Variants in REG4 observed in about 807,000 individuals in gnomAD.
REG4 encodes regenerating islet-derived protein 4.
REG4 carries 16 observed loss-of-function variants against 22.3 expected under a neutral mutation model. That is an observed-to-expected ratio of 0.72 (90% confidence interval 0.49 to 1.09). REG4 has a LOEUF of 1.09. REG4 is among the 50% of genes least tolerant of loss of function. The pLI is 0.00. For synonymous variants in REG4, 71 were observed against 69.2 expected, an observed-to-expected ratio of 1.03 and a Z score of -0.13; for missense variants, 214 against 193.9, an observed-to-expected ratio of 1.10 and a Z score of -0.61.
chr1:119,794,472 TA>T lies in REG4; in HGVS notation c.*145del. On this transcript the variant is annotated 3_prime_UTR_variant, in exon 6 of 6. Coordinates refer to ENST00000256585, the MANE Select transcript of REG4 (RefSeq NM_032044.4). ...GGGCCAATGCTAAAGTTTCTGTCTCTAAGCCTAAAAAAGCCAGTGTAGTAGG... is the reference window on the plus strand; with the variant it reads ...GGGCCAATGCTAAAGTTTCTGTCTCTAGCCTAAAAAAGCCAGTGTAGTAGG... The T allele has an allele frequency of 1.3e-6, 1 of 751,994 alleles. No homozygotes were observed. Among genetic ancestry groups the T allele is most frequent in the South Asian group, 1.6e-5 (1 of 62,470 alleles). 46.6% of individuals were successfully genotyped at this position (751,994 alleles called of 1,614,324 possible).
chr1:119,806,142 A>T (rs1362923267), intron 2 of REG4, among the ~76,000 whole-genome samples: 1 of 152,036 alleles, frequency 6.6e-6, no homozygotes, highest in Non-Finnish European at 1.5e-5. Context: ...GAGTTTCGCC[A>T]CATTGCCCAG....
intron 2 of REG4, among the ~76,000 whole-genome samples, chr1:119,805,992 C>T (rs966725945): frequency 8.5e-5 from 13 of 152,204 alleles, no homozygotes; most frequent in East Asian, 1.9e-4. Flanking sequence ...AGGGCAGCGG[C>T]GCCATCTCGG....
In REG4 at chr1:119,794,069, C is replaced by G; in HGVS notation, c.*549G>C. ...CTTTTCCACATTCACCATTACTGAA[C>G]TGGAACACAGCAACCTCTTATGTAC... On this transcript the variant is annotated 3_prime_UTR_variant, in exon 6 of 6. Transcript: ENST00000256585. 1.9e-6 allele frequency: 1 copy of G among 526,724 alleles called. No homozygotes were observed. The highest frequency in any genetic ancestry group is 3.9e-6 in the Non-Finnish European group (1 of 255,776). 32.6% of individuals were successfully genotyped at this position (526,724 alleles called of 1,614,324 possible).
intron 2 of REG4, among the ~76,000 whole-genome samples, chr1:119,806,861 C>A (rs1328667061): frequency 2.0e-5 from 3 of 152,226 alleles, no homozygotes; most frequent in African/African-American, 7.2e-5. Flanking sequence ...TTCAGCTTTA[C>A]TTTTCTTGTC....
rs112217556 is a variant in REG4, at chr1:119,794,364, A to G, written c.*254T>C. 1.7e-6 allele frequency: 1 copy of G among 601,466 alleles called. No individual in the cohort carries two copies. The allele number at this position is 601,466 out of a possible 1,614,324, so 37.3% of individuals were successfully genotyped here. On this transcript the variant is annotated 3_prime_UTR_variant, in exon 6 of 6. Transcript: ENST00000256585. ...GATGCACTCTTCTAGACTGCTCGAG[A>G]CAGCCAGAGACAGGGGAGGAGGGAA...
intron 4 of REG4, among the ~76,000 whole-genome samples, 198 bp from the exon 5 acceptor site, chr1:119,798,800 T>A (rs587663800): frequency 6.6e-6 from 1 of 152,176 alleles, no homozygotes; most frequent in African/African-American, 2.4e-5. Context: ...CTGCAAAAAA[T>A]AGAAATAGAT....
At chr1:119,802,589 T>C in intron 3 of REG4, 1 of 1,231,514 alleles carries the variant, frequency 8.1e-7, no homozygotes, top group Non-Finnish European at 1.0e-6. Context: ...AATGGACAGG[T>C]TTGTGGACTG....
At chr1:119,795,453 G>C (rs1653908499) in intron 5 of REG4, among the ~76,000 whole-genome samples, 1 of 152,232 alleles carries the variant, frequency 6.6e-6, no homozygotes, top group Non-Finnish European at 1.5e-5. Context: ...TATGAAAAAG[G>C]AGAGAGCCCA....
intron 1 of REG4, among the ~76,000 whole-genome samples, chr1:119,810,968 C>T (rs1654475957): frequency 6.6e-6 from 1 of 152,128 alleles, no homozygotes; most frequent in Admixed American, 6.5e-5. Context: ...GCAGGAGAAT[C>T]ACTTGAACCT....
intron 3 of REG4, 30 bp downstream of exon 3, chr1:119,803,038 G>A: frequency 1.2e-6 from 2 of 1,611,428 alleles, no homozygotes; most frequent in Non-Finnish European, 1.7e-6. Flanking sequence ...CTCTAGAAAG[G>A]CCAGGCCAAG....
chr1:119,800,850 G>C (rs1404425170), intron 3 of REG4, among the ~76,000 whole-genome samples: 1 of 152,110 alleles, frequency 6.6e-6, no homozygotes, highest in Non-Finnish European at 1.5e-5. Context: ...TCCAAATCTG[G>C]TTGGATTTTG....
chr1:119,797,402 C>A (rs985780880), intron 5 of REG4, among the ~76,000 whole-genome samples: 9 of 152,178 alleles, frequency 5.9e-5, no homozygotes, highest in Non-Finnish European at 1.3e-4. Flanking sequence ...CCCTTTGCCT[C>A]ATGCTGTTAG....
chr1:119,802,023 A>G (rs1028946538), intron 3 of REG4: 1 of 150,562 alleles, frequency 6.6e-6, no homozygotes, highest in African/African-American at 2.5e-5. Flanking sequence ...GGTCTCTATT[A>G]CTCCTCGGTT....
intron 1 of REG4, among the ~76,000 whole-genome samples, chr1:119,810,539 T>C (rs1440008460): frequency 6.6e-6 from 1 of 152,162 alleles, no homozygotes; most frequent in African/African-American, 2.4e-5. Flanking sequence ...CACCCCTTAC[T>C]TCTTTTTAAA....
chr1:119,806,189 G>A (rs1465651131), intron 2 of REG4, among the ~76,000 whole-genome samples: 1 of 152,056 alleles, frequency 6.6e-6, no homozygotes, highest in African/African-American at 2.4e-5. Context: ...TGATCTACCC[G>A]CCTTGGTGTC....
intron 1 of REG4, among the ~76,000 whole-genome samples, chr1:119,809,414 A>T (rs1017192039): frequency 6.6e-6 from 1 of 152,224 alleles, no homozygotes; most frequent in Non-Finnish European, 1.5e-5. Flanking sequence ...CATTTTTAAA[A>T]ATAAAGAACA....
At chr1:119,799,672 G>C in intron 4 of REG4, 53 bp downstream of exon 4, 1 of 1,593,272 alleles carries the variant, frequency 6.3e-7, no homozygotes, top group Admixed American at 1.7e-5. Context: ...CCCAAAAAGA[G>C]GATGCCAGCC....
intron 5 of REG4, among the ~76,000 whole-genome samples, chr1:119,798,154 C>T (rs910413304): frequency 2.6e-5 from 4 of 152,172 alleles, no homozygotes; most frequent in Admixed American, 1.3e-4. Context: ...TATTTACTCC[C>T]TGTGGTCTGG....
chr1:119,803,196 A>G lies in REG4; in HGVS notation c.68-31T>C, dbSNP rs930876207. 8 of 1,496,924 alleles carry G rather than the reference A, an allele frequency of 5.3e-6. No individual in the cohort carries two copies. In the African/African-American group the frequency reaches 8.4e-5, roughly 16 times the overall value. 92.7% of individuals were successfully genotyped at this position (1,496,924 alleles called of 1,614,324 possible). ...CATAAACAAAAGGCAATTGCACATT[A>G]TGATAGCAAAAACAATCAATTCCCA... On this transcript the variant is annotated intron_variant, in intron 2 of 5. Coordinates refer to ENST00000256585, the MANE Select transcript of REG4 (RefSeq NM_032044.4).
Sources: gnomAD v4.1 joint callset for allele counts (sites outside exome capture counted in the v4.1 genomes callset) on GRCh38, gnomAD v4.1.1 for gene constraint, MANE v1.5 for transcripts, NCBI Gene and HGNC (gene_info 2026-07-23, HGNC 2026-07-21) for gene names.